The following ARHGAP42 variants were observed in gnomAD, a reference collection of about 807,000 sequenced individuals.
ARHGAP42 encodes Rho GTPase activating protein 42.
ARHGAP42 carries 63 observed loss-of-function variants against 125.0 expected under a neutral mutation model. The ratio of observed to expected loss-of-function variants is 0.50; its 90% CI spans 0.41 to 0.62. ARHGAP42 has a LOEUF of 0.62. Among genes scored for constraint, ARHGAP42 ranks in the 20% least tolerant of loss-of-function variants. The pLI, the probability that ARHGAP42 is intolerant of heterozygous loss-of-function variation, is 0.00. For synonymous variants in ARHGAP42, 339 were observed against 351.0 expected (o/e 0.97, Z 0.38); for missense variants, 766 against 1,024.2 (o/e 0.75, Z 3.44).
chr11:100,695,453 A>G (rs1397747050), intron 1 of ARHGAP42, among the ~76,000 whole-genome samples: 1 of 152,060 alleles, frequency 6.6e-6, no homozygotes, highest in Non-Finnish European at 1.5e-5. Flanking sequence ...ATAGGCGGCC[A>G]TCATCACGCC....
intron 1 of ARHGAP42, among the ~76,000 whole-genome samples, chr11:100,754,555 G>A (rs1317330386): frequency 1.3e-5 from 2 of 152,126 alleles, no homozygotes; most frequent in Admixed American, 1.3e-4. Context: ...CATGATTCAG[G>A]TTAGCTTTAA....
intron 1 of ARHGAP42, among the ~76,000 whole-genome samples, chr11:100,691,866 A>G (rs1161644338): frequency 6.6e-6 from 1 of 152,204 alleles, no homozygotes; most frequent in African/African-American, 2.4e-5. Flanking sequence ...CAAAAGTGAT[A>G]AGTTTATGGG....
intron 3 of ARHGAP42, among the ~76,000 whole-genome samples, chr11:100,855,110 C>A (rs1391518693): frequency 6.6e-6 from 1 of 152,088 alleles, no homozygotes; most frequent in East Asian, 1.9e-4. Flanking sequence ...AATAGTGTAG[C>A]GTATTATAGC....
intron 4 of ARHGAP42, among the ~76,000 whole-genome samples, chr11:100,904,327 T>A (rs1203246848): frequency 6.6e-6 from 1 of 150,868 alleles, no homozygotes; most frequent in Non-Finnish European, 1.5e-5. Flanking sequence ...CACTGCAACC[T>A]CCTCTGCCTC....
chr11:100,777,364 G>A (rs1009228033), intron 2 of ARHGAP42, among the ~76,000 whole-genome samples: 2 of 152,206 alleles, frequency 1.3e-5, no homozygotes, highest in Non-Finnish European at 2.9e-5. Context: ...ATAGAAGCCT[G>A]AGAGTGATCT....
intron 4 of ARHGAP42, among the ~76,000 whole-genome samples, chr11:100,875,663 A>G (rs952744552): frequency 4.6e-5 from 7 of 151,818 alleles, no homozygotes; most frequent in African/African-American, 1.4e-4. Flanking sequence ...ATACCCAGGC[A>G]GGCAACAGAG....
intron 8 of ARHGAP42, among the ~76,000 whole-genome samples, chr11:100,939,511 G>T (rs558870327): frequency 2.6e-5 from 4 of 151,912 alleles, no homozygotes; most frequent in Non-Finnish European, 2.9e-5. Flanking sequence ...TAGGTCACAG[G>T]CTCAGTTTTC....
intron 1 of ARHGAP42, among the ~76,000 whole-genome samples, chr11:100,708,803 C>A (rs892406280): frequency 5.9e-5 from 9 of 152,128 alleles, no homozygotes; most frequent in Admixed American, 3.3e-4. Flanking sequence ...CAGTCAGAAA[C>A]TGAGGATAGT....
intron 3 of ARHGAP42, among the ~76,000 whole-genome samples, chr11:100,826,095 C>G (rs752962820): frequency 7.2e-5 from 11 of 151,944 alleles, no homozygotes; most frequent in African/African-American, 1.5e-4. Context: ...TCTTTCCTTC[C>G]TTTCCCCACA....
intron 2 of ARHGAP42, among the ~76,000 whole-genome samples, chr11:100,791,572 A>G (rs966277222): frequency 1.1e-4 from 16 of 152,118 alleles, no homozygotes; most frequent in African/African-American, 3.6e-4. Flanking sequence ...AGAACAAATG[A>G]CAAACATGAG....
chr11:100,865,980 GAT>G, intron 4 of ARHGAP42, among the ~76,000 whole-genome samples: 1 of 152,224 alleles, frequency 6.6e-6, no homozygotes, highest in East Asian at 1.9e-4. Context: ...TGGAGTGTGC[GAT>G]ATTGCTTTTT....
At chr11:100,868,864 C>T (rs1366431163) in intron 4 of ARHGAP42, among the ~76,000 whole-genome samples, 1 of 152,068 alleles carries the variant, frequency 6.6e-6, no homozygotes, top group East Asian at 1.9e-4. Context: ...ATAGCTTAGA[C>T]ATTTCACATA....
intron 19 of ARHGAP42, among the ~76,000 whole-genome samples, chr11:100,975,845 AT>A (rs1049823199): frequency 6.6e-6 from 1 of 152,194 alleles, no homozygotes; most frequent in African/African-American, 2.4e-5. Context: ...CTAAAATAGC[AT>A]TGAAAAATAC....
At chr11:100,793,748 G>A (rs1863633343) in intron 2 of ARHGAP42, among the ~76,000 whole-genome samples, 2 of 152,018 alleles carry the variant, frequency 1.3e-5, no homozygotes, top group African/African-American at 2.4e-5. Context: ...GTATTAAGAT[G>A]GGGAAAGGAA....
At chr11:100,710,600 C>T (rs1233059161) in intron 1 of ARHGAP42, among the ~76,000 whole-genome samples, 1 of 132,012 alleles carries the variant, frequency 7.6e-6, no homozygotes, top group Non-Finnish European at 1.5e-5. Context: ...GTGCAAATGG[C>T]ACGATCTCGG....
At chr11:100,745,850 T>C (rs566512070) in intron 1 of ARHGAP42, among the ~76,000 whole-genome samples, 1 of 152,314 alleles carries the variant, frequency 6.6e-6, no homozygotes, top group East Asian at 1.9e-4. Flanking sequence ...GTTTATCCAA[T>C]TTACATTTTA....
chr11:100,965,599 G>T (rs1858070319), intron 16 of ARHGAP42, 72 bp from the exon 17 acceptor site: 2 of 1,243,044 alleles, frequency 1.6e-6, no homozygotes, highest in African/African-American at 1.5e-5. Context: ...ATTGTGATTA[G>T]ATTACTAATG....
At chr11:100,885,450 A>G (rs1235359400) in intron 4 of ARHGAP42, among the ~76,000 whole-genome samples, 2 of 152,138 alleles carry the variant, frequency 1.3e-5, no homozygotes, top group African/African-American at 4.8e-5. Flanking sequence ...GTCAAATTCC[A>G]TTTATCATGG....
intron 3 of ARHGAP42, among the ~76,000 whole-genome samples, chr11:100,832,117 C>T (rs748744527): frequency 3.0e-4 from 45 of 152,348 alleles, no homozygotes; most frequent in Non-Finnish European, 5.0e-4. Context: ...CCAGAGATGG[C>T]TTTGTGAGCC....
Sources: gnomAD v4.1 joint callset for allele counts (sites outside exome capture counted in the v4.1 genomes callset) on GRCh38, gnomAD v4.1.1 for gene constraint, MANE v1.5 for transcripts, NCBI Gene and HGNC (gene_info 2026-07-23, HGNC 2026-07-21) for gene names.